Variants in CTNND2 observed in about 807,000 individuals in gnomAD.
The protein encoded by CTNND2 is catenin delta 2, also known as catenin delta-2.
A neutral mutation model predicts 144.4 loss-of-function variants in CTNND2; 22 were observed. The ratio of observed to expected loss-of-function variants is 0.15; its 90% confidence interval spans 0.11 to 0.22. The LOEUF (loss-of-function observed/expected upper bound fraction) is 0.22, where lower values mean the gene tolerates loss of function less well. Among genes scored for constraint, CTNND2 ranks in the 10% least tolerant of loss-of-function variants. The probability of loss-of-function intolerance (pLI) is 1.00; values close to 1 mark genes in which losing one functional copy is unlikely to be tolerated. For missense variants in CTNND2, 1,353 were observed against 1,618.8 expected (o/e 0.84, Z 2.82); for synonymous variants, 751 against 695.6 (o/e 1.08, Z -1.25).
intron 3 of CTNND2, among the ~76,000 whole-genome samples, chr5:11,535,417 T>G (rs1207085053): frequency 6.6e-6 from 1 of 152,198 alleles, no homozygotes; most frequent in Non-Finnish European, 1.5e-5. Flanking sequence ...GATATTTACT[T>G]TTCAAGTTTG....
intron 3 of CTNND2, among the ~76,000 whole-genome samples, chr5:11,539,563 G>A (rs1253134882): frequency 6.6e-6 from 1 of 152,226 alleles, no homozygotes; most frequent in Non-Finnish European, 1.5e-5. Context: ...TGTACCAGAT[G>A]AGCAAGTCAT....
At position 11,391,783 on chromosome 5, in the gene CTNND2, C is replaced by G. The variant is rs10041582; in HGVS notation, c.612+5248G>C. 7.7e-3 allele frequency among the ~76,000 whole-genome samples: 1,176 copies of G among 152,168 alleles called. 10 individuals are homozygous for G. The highest frequency in any genetic ancestry group is 0.025 in the African/African-American group (1,054 of 41,514). ...TTCTATGCACATTTTATACACCTTC[C>G]CTGAAGTCATCACCACTGGGATCAT... On this transcript the variant is annotated intron_variant, in intron 6 of 21. Transcript: ENST00000304623.
intron 12 of CTNND2, among the ~76,000 whole-genome samples, chr5:11,128,737 ATATT>A (rs1754948581): frequency 2.4e-5 from 1 of 42,298 alleles, no homozygotes; most frequent in Non-Finnish European, 3.8e-5. Flanking sequence ...TATAATATAT[ATATT>A]TATATATATT....
chr5:11,470,980 A>ATATATATATATATATATATATT (rs1219093645), intron 3 of CTNND2, among the ~76,000 whole-genome samples: 13 of 91,520 alleles, frequency 1.4e-4, no homozygotes, highest in African/African-American at 4.0e-4. Flanking sequence ...ATATATATAT[A>ATATATATATATATATATATATT]TTTTTTTTTT....
chr5:11,375,180 T>C (rs1311484977), intron 7 of CTNND2, among the ~76,000 whole-genome samples: 1 of 152,160 alleles, frequency 6.6e-6, no homozygotes, highest in Non-Finnish European at 1.5e-5. Context: ...GCTTCTAAAA[T>C]ACAAACTGAA....
intron 2 of CTNND2, among the ~76,000 whole-genome samples, chr5:11,724,541 G>A (rs927561182): frequency 6.6e-6 from 1 of 152,120 alleles, no homozygotes; most frequent in Admixed American, 6.5e-5. Context: ...TATCTATTTC[G>A]GTGGAGGGTT....
Position 11,732,235 on chromosome 5 carries a change from T to C in CTNND2, c.75A>G (p.Ser25=). ...CGGGGCTCAGGGAACTCGTCTTCTC[T>C]GAGGCTGATGAAGGCTGGTCTGGAA... is the stretch of plus-strand genomic sequence containing the variant. ...MPVPDQPSSA[S]EKTSSLSPGL... The change falls in exon 2 of 22, where the codon TCA becomes TCG. Residue 25 remains serine (S), a synonymous_variant. Transcript: ENST00000304623. The C allele has an allele frequency of 1.2e-6, 2 of 1,613,986 alleles. No homozygotes were observed. The highest frequency in any genetic ancestry group is 1.7e-6 in the Non-Finnish European group (2 of 1,179,920).
chr5:11,547,503 A>G (rs1002591967), intron 3 of CTNND2, among the ~76,000 whole-genome samples: 7 of 152,148 alleles, frequency 4.6e-5, no homozygotes, highest in Non-Finnish European at 7.4e-5. Flanking sequence ...CTGGGGGAAC[A>G]TGATTCTAAT....
intron 2 of CTNND2, among the ~76,000 whole-genome samples, chr5:11,696,642 C>T (rs1032697427): frequency 1.3e-5 from 2 of 152,126 alleles, no homozygotes; most frequent in African/African-American, 2.4e-5. Context: ...AAGAAATGAG[C>T]GCTCATTGTT....
chr5:11,087,206 C>T (rs1381130780), intron 15 of CTNND2, among the ~76,000 whole-genome samples: 6 of 152,146 alleles, frequency 3.9e-5, no homozygotes, highest in Non-Finnish European at 8.8e-5. Context: ...GTACAAATGG[C>T]ATGTGATTCC....
At chr5:10,990,346 A>G (rs1738530164) in intron 19 of CTNND2, among the ~76,000 whole-genome samples, 2 of 152,226 alleles carry the variant, frequency 1.3e-5, no homozygotes. Context: ...GAACCTCTGC[A>G]AGAACAACTG....
intron 16 of CTNND2, among the ~76,000 whole-genome samples, chr5:11,073,576 A>G (rs975263048): frequency 6.6e-6 from 1 of 152,222 alleles, no homozygotes; most frequent in South Asian, 2.1e-4. Context: ...TGGCTCTTCA[A>G]TTTATTTATA....
At chr5:11,576,600 G>C (rs1314513249) in intron 2 of CTNND2, among the ~76,000 whole-genome samples, 1 of 151,532 alleles carries the variant, frequency 6.6e-6, no homozygotes, top group Non-Finnish European at 1.5e-5. Flanking sequence ...TATCAACCTA[G>C]CTGCAAAGCT....
Position 11,842,217 on chromosome 5 carries a change from G to A in CTNND2, c.37+61600C>T, listed in dbSNP as rs74967905. On this transcript the variant is annotated intron_variant, in intron 1 of 21. Coordinates refer to ENST00000304623, the MANE Select transcript of CTNND2 (RefSeq NM_001332.4). ...GGTATTGTGTAAATAGTGTCAGGAT[G>A]TAGGGATCACTTAAGGGGAGGCAGC... 6.1e-3 allele frequency among the ~76,000 whole-genome samples: 925 copies of A among 152,232 alleles called. 7 individuals carry two copies. Among genetic ancestry groups the A allele is most frequent in the African/African-American group, 0.021 (866 of 41,528 alleles).
intron 1 of CTNND2, among the ~76,000 whole-genome samples, chr5:11,773,668 G>C (rs1398044639): frequency 6.6e-6 from 1 of 152,100 alleles, no homozygotes; most frequent in African/African-American, 2.4e-5. Context: ...AAATCAGCCG[G>C]GTGTGGTGGT....
At chr5:11,121,179 G>A (rs145607466) in intron 12 of CTNND2, among the ~76,000 whole-genome samples, 185 of 152,254 alleles carry the variant, frequency 1.2e-3, no homozygotes, top group African/African-American at 4.3e-3. Context: ...CCTTTACTAT[G>A]AAACTTAACA....
In CTNND2 at chr5:11,903,472, G is replaced by A; in HGVS notation, c.37+345C>T. ...CCCGTATATTAGGGACGTCATGAAT[G>A]CACCGAGTATGTTCTCAGGGTGGCG... On this transcript the variant is annotated intron_variant, in intron 1 of 21. Coordinates refer to ENST00000304623, the MANE Select transcript of CTNND2 (RefSeq NM_001332.4). The surrounding 1 kb of genome is among the most constrained non-coding windows in gnomAD (Gnocchi z 5.4). 4.4e-6 allele frequency: 3 copies of A among 684,348 alleles called. No individual in the cohort carries two copies. Among genetic ancestry groups the A allele is most frequent in the Non-Finnish European group, 5.6e-6 (3 of 531,240 alleles). The allele number at this position is 684,348 out of a possible 1,614,324, so 42.4% of individuals were successfully genotyped here. A position where few individuals can be genotyped will look rare whatever the true frequency, so the allele number is the denominator to read the frequency against.
intron 2 of CTNND2, among the ~76,000 whole-genome samples, chr5:11,581,916 TTTA>T (rs1778466122): frequency 1.3e-5 from 2 of 152,242 alleles, no homozygotes; most frequent in African/African-American, 4.8e-5. Context: ...TGCTTTAGTT[TTTA>T]TTATATTTTT....
intron 3 of CTNND2, among the ~76,000 whole-genome samples, chr5:11,529,843 C>G (rs1773577230): frequency 6.6e-6 from 1 of 151,978 alleles, no homozygotes; most frequent in Non-Finnish European, 1.5e-5. Flanking sequence ...TTTAAAATTA[C>G]TCAGAACAAT....
Sources: allele counts gnomAD v4.1 joint callset (sites outside exome capture counted in the v4.1 genomes callset), GRCh38; gene constraint gnomAD v4.1.1; non-coding constraint Gnocchi (gnomAD v3.1); transcripts MANE v1.5; gene names NCBI Gene and HGNC (gene_info 2026-07-23, HGNC 2026-07-21).